CLSTN3: variants seen among roughly 807,000 people sequenced by gnomAD.
The protein encoded by CLSTN3 is calsyntenin-3.
Under a neutral mutation model 95.9 loss-of-function variants are expected in CLSTN3, and 36 were observed. The observed-to-expected ratio is 0.38, with a 90% CI of 0.29 to 0.50. The LOEUF (loss-of-function observed/expected upper bound fraction) is 0.50, where lower values mean the gene tolerates loss of function less well. Among genes scored for constraint, CLSTN3 ranks in the 20% least tolerant of loss-of-function variants. The pLI, the probability that CLSTN3 is intolerant of heterozygous loss-of-function variation, is 0.95. For missense variants in CLSTN3, 1,084 were observed against 1,268.8 expected (o/e 0.85, Z 2.21); for synonymous variants, 481 against 504.0 (o/e 0.95, Z 0.61).
At chr12:7,135,118 A>G (rs951012006) in intron 3 of CLSTN3, among the ~76,000 whole-genome samples, 5 of 151,762 alleles carry the variant, frequency 3.3e-5, no homozygotes, top group African/African-American at 9.7e-5. Flanking sequence ...CGTTGTGCCC[A>G]TATTGAGGCT....
At position 7,149,454 on chromosome 12, in the gene CLSTN3, G is replaced by T. The variant is rs1195714762; in HGVS notation, c.2075-69G>T. On this transcript the variant is annotated intron_variant, in intron 13 of 17. Transcript: ENST00000266546. This position sits in a 1 kb window ranked among gnomAD's most constrained non-coding sequence, Gnocchi z 4.5. The stretch of plus-strand genomic sequence containing the variant: ...AAAGGGAGGGAGAGTGGTGATGAGG[G>T]CATGGTTGGGTCTCAGAACCTCCGT... 21 of 1,437,706 alleles carry T rather than the reference G, an allele frequency of 1.5e-5. No individual in the cohort carries two copies. Among genetic ancestry groups the T allele is most frequent in the Admixed American group, 7.3e-5 (4 of 54,642 alleles). 89.1% of individuals were successfully genotyped at this position (1,437,706 alleles called of 1,614,324 possible). A position where few individuals can be genotyped will look rare whatever the true frequency, so the allele number is the denominator to read the frequency against.
At chr12:7,143,922 C>G (rs1224063156) in intron 12 of CLSTN3, among the ~76,000 whole-genome samples, 7 of 152,182 alleles carry the variant, frequency 4.6e-5, no homozygotes, top group Non-Finnish European at 8.8e-5. Flanking sequence ...TCAAACAGAA[C>G]TATCTAATCC....
intron 16 of CLSTN3, chr12:7,156,688 C>T (rs752753385): frequency 7.0e-5 from 32 of 456,750 alleles, no homozygotes; most frequent in Non-Finnish European, 1.2e-4. Flanking sequence ...TCTGCTTTGC[C>T]GCCATCAGCT....
chr12:7,129,598 C>A, upstream of CLSTN3: 2 of 985,428 alleles, frequency 2.0e-6, no homozygotes, highest in Non-Finnish European at 1.2e-6. The surrounding 1 kb of genome is among the most constrained non-coding windows in gnomAD (Gnocchi z 5.5). Context: ...ACCGTAACCC[C>A]CAGTCCCCAG....
chr12:7,140,433 G>GT (rs1348856569), intron 8 of CLSTN3, among the ~76,000 whole-genome samples: 8 of 152,250 alleles, frequency 5.3e-5, no homozygotes, highest in African/African-American at 1.9e-4. Flanking sequence ...AACAGATGAG[G>GT]TGACTTCTAG....
In CLSTN3 at chr12:7,150,932, A is replaced by G. The variant is rs1053407712; in HGVS notation, c.2396A>G (p.Asn799Ser). The change falls in exon 16 of 18, where the codon AAT (asparagine) becomes AGT (serine). Residue 799 changes from asparagine to serine, a missense_variant. Physicochemically the swap from Asn to Ser is conservative, Grantham distance 46. Transcript: ENST00000266546. The surrounding 1 kb of genome is among the most constrained non-coding windows in gnomAD (Gnocchi z 4.0). ...TGGAGCCCTCCCTCTGCCCAGGTCA[A>G]TGTCCTGCACAGCATGAACCGGGTT... ...YSSNEFIVEVNVLHSMNRVAH... is the reference protein window; with the variant it reads ...YSSNEFIVEVSVLHSMNRVAH... The G allele has an allele frequency of 1.1e-5, 17 of 1,597,818 alleles. No individual in the cohort carries two copies. Among genetic ancestry groups the G allele is most frequent in the Non-Finnish European group, 1.5e-5 (17 of 1,169,914 alleles).
Position 7,149,660 on chromosome 12 carries a change from C to A in CLSTN3, c.2212C>A (p.Leu738Ile). ...CTCTCTGCAGCAGCGGGGGCTGGAG[C>A]TCACCAACACATCTGCCTACCTCAC... is the stretch of plus-strand genomic sequence containing the variant. ...TTSLQQRGLELTNTSAYLTIA... is the reference protein window; with the variant it reads ...TTSLQQRGLEITNTSAYLTIA... Residue 738 changes from leucine (L) to isoleucine (I), a missense_variant, in exon 14 of 18, where the codon CTC becomes ATC. Transcript: ENST00000266546. The surrounding 1 kb of genome is among the most constrained non-coding windows in gnomAD (Gnocchi z 4.5). 6.2e-7 allele frequency: 1 copy of A among 1,614,090 alleles called. No individual in the cohort carries two copies. The highest frequency in any genetic ancestry group is 8.5e-7 in the Non-Finnish European group (1 of 1,179,952).
chr12:7,136,064 G>T, intron 5 of CLSTN3, 111 bp downstream of exon 5: 1 of 1,494,576 alleles, frequency 6.7e-7, no homozygotes, highest in Non-Finnish European at 9.0e-7. Flanking sequence ...TGATATTGGG[G>T]CAGGCTTGCA....
At chr12:7,136,139 A>C in intron 5 of CLSTN3, 67 bp from the exon 6 acceptor site, 1 of 1,555,002 alleles carries the variant, frequency 6.4e-7, no homozygotes, top group South Asian at 1.2e-5. Context: ...TGGCAAGAGG[A>C]GCATGGAGAG....
At chr12:7,134,344 G>T (rs942044802) in intron 3 of CLSTN3, among the ~76,000 whole-genome samples, 2 of 152,224 alleles carry the variant, frequency 1.3e-5, no homozygotes, top group African/African-American at 4.8e-5. Flanking sequence ...AGAGGCTCGG[G>T]TCTGGGACAC....
At chr12:7,142,376 T>G (rs999106386) in intron 10 of CLSTN3, among the ~76,000 whole-genome samples, 2 of 151,992 alleles carry the variant, frequency 1.3e-5, no homozygotes, top group African/African-American at 4.8e-5. Context: ...GCTCTCTTGG[T>G]GGCTTTCCAC....
At position 7,136,748 on chromosome 12, in the gene CLSTN3, T is replaced by A. The variant is rs897757158; in HGVS notation, c.929-81T>A. 45 of 1,488,420 alleles carry A rather than the reference T, an allele frequency of 3.0e-5. No homozygotes were observed. In the Admixed American group the frequency reaches 8.2e-4, roughly 27 times the overall value. The allele number at this position is 1,488,420 out of a possible 1,614,324, so 92.2% of individuals were successfully genotyped here. A position where few individuals can be genotyped will look rare whatever the true frequency, so the allele number is the denominator to read the frequency against. On this transcript the variant is annotated intron_variant, in intron 6 of 17. Transcript: ENST00000266546. ...GCTGTAGGAAATCTTTTCCCATCAG[T>A]CCCTCTTTCCCTGCCTCCTGCCCTT...
At position 7,158,022 on chromosome 12, in the gene CLSTN3, G is replaced by GCCGATTC; in HGVS notation, c.2815_2821dup (p.Pro941ArgfsTer178). 1 of 1,550,736 alleles carries GCCGATTC rather than the reference G, an allele frequency of 6.4e-7. No homozygotes were observed. Among genetic ancestry groups the GCCGATTC allele is most frequent in the Non-Finnish European group, 8.7e-7 (1 of 1,146,518 alleles). ...TGAGGACAGCAGTGACTCGGAGGTGGCCGATTCCCCCAGCAGCGACGAGAG... is the reference window on the plus strand; with the variant it reads ...TGAGGACAGCAGTGACTCGGAGGTGGCCGATTCCCGATTCCCCCAGCAGCGACGAGAG... On this transcript the variant is annotated frameshift_variant, in exon 18 of 18. Coordinates refer to ENST00000266546, the MANE Select transcript of CLSTN3 (RefSeq NM_014718.4). LOFTEE classifies it high-confidence loss of function.
chr12:7,142,804 G>A (rs1329119496), intron 10 of CLSTN3, 65 bp from the exon 11 acceptor site: 8 of 1,404,048 alleles, frequency 5.7e-6, no homozygotes, highest in Non-Finnish European at 6.9e-6. Flanking sequence ...CTTTCTCTCA[G>A]CCTTCGTCCT....
chr12:7,136,796 C>A, intron 6 of CLSTN3, 33 bp from the exon 7 acceptor site: 1 of 1,607,790 alleles, frequency 6.2e-7, no homozygotes, highest in Non-Finnish European at 8.5e-7. Flanking sequence ...TGCTTCTTGG[C>A]TCTGACACTT....
chr12:7,138,273 T>A (rs941533229), intron 8 of CLSTN3, among the ~76,000 whole-genome samples: 21 of 147,984 alleles, frequency 1.4e-4, no homozygotes, highest in Non-Finnish European at 2.5e-4. Flanking sequence ...CTTCTGGATT[T>A]AAAAAAAAAA....
rs1939433807 is a variant in CLSTN3 at position 7,136,851 on chromosome 12, T to C, written c.951T>C (p.Asp317=). The change falls in exon 7 of 18, where the codon GAT becomes GAC. Residue 317 remains aspartate, a synonymous_variant. Coordinates refer to ENST00000266546, the MANE Select transcript of CLSTN3 (RefSeq NM_014718.4). ...KLCGAATGEV[D]LLPMPGPNAN... is the part of the protein sequence containing the mutation. ...CAGGTGCTGCCACTGGGGAGGTGGA[T>C]CTGTTGCCCATGCCTGGCCCCAATG... 6.2e-7 allele frequency: 1 copy of C among 1,614,058 alleles called. No individual in the cohort carries two copies. Among genetic ancestry groups the C allele is most frequent in the Non-Finnish European group, 8.5e-7 (1 of 1,179,952 alleles).
intron 11 of CLSTN3, 33 bp from the exon 12 acceptor site, chr12:7,143,130 C>A: frequency 6.2e-7 from 1 of 1,605,890 alleles, no homozygotes; most frequent in Non-Finnish European, 8.5e-7. Flanking sequence ...CCTCCTGGCC[C>A]TGCTCTCAGC....
At chr12:7,130,125 T>C, upstream of CLSTN3, 1 of 195,754 alleles carries the variant, frequency 5.1e-6, no homozygotes, top group Non-Finnish European at 1.1e-5. Flanking sequence ...CCCTGGCTTC[T>C]GGCTTCTTTC....
Sources: gnomAD v4.1 joint callset for allele counts (sites outside exome capture counted in the v4.1 genomes callset) on GRCh38, gnomAD v4.1.1 for gene constraint, Gnocchi (gnomAD v3.1) non-coding constraint, MANE v1.5 for transcripts, NCBI Gene and HGNC (gene_info 2026-07-23, HGNC 2026-07-21) for gene names.